Variants in CEP128 observed in about 807,000 individuals in gnomAD.
The protein encoded by CEP128 is centrosomal protein 128, also known as centrosomal protein 128kDa.
In CEP128, 132 loss-of-function variants were observed where a neutral mutation model predicts 156.7. That is an observed-to-expected ratio of 0.84 (90% CI 0.73 to 0.97). The LOEUF (loss-of-function observed/expected upper bound fraction) is 0.97. Among genes scored for constraint, CEP128 ranks in the 50% least tolerant of loss-of-function variants. The pLI is 0.00. For synonymous variants in CEP128, 469 were observed against 448.9 expected, an observed-to-expected ratio of 1.04 and a Z score of -0.57; for missense variants, 1,252 against 1,281.9, an observed-to-expected ratio of 0.98 and a Z score of 0.36.
chr14:80,607,811 A>G (rs746082201), intron 19 of CEP128, among the ~76,000 whole-genome samples: 3 of 152,194 alleles, frequency 2.0e-5, no homozygotes, highest in Non-Finnish European at 4.4e-5. Context: ...ATTACTTTTT[A>G]TAGATTATAC....
At chr14:80,584,833 C>T (rs1304865574) in intron 19 of CEP128, among the ~76,000 whole-genome samples, 1 of 152,156 alleles carries the variant, frequency 6.6e-6, no homozygotes. Context: ...CTCTTCTTAT[C>T]AGCATTGAAA....
At chr14:80,738,316 G>A (rs1003851200) in intron 19 of CEP128, among the ~76,000 whole-genome samples, 2 of 152,032 alleles carry the variant, frequency 1.3e-5, no homozygotes, top group Non-Finnish European at 2.9e-5. Context: ...AACAGCAATT[G>A]ACCACCAACT....
intron 23 of CEP128, among the ~76,000 whole-genome samples, chr14:80,510,940 T>C (rs1888216839): frequency 6.6e-6 from 1 of 151,986 alleles, no homozygotes; most frequent in South Asian, 2.1e-4. Context: ...TAAACCATGT[T>C]TGCATCCCTG....
chr14:80,823,081 C>T (rs2140006437), intron 13 of CEP128, among the ~76,000 whole-genome samples: 1 of 152,270 alleles, frequency 6.6e-6, no homozygotes, highest in African/African-American at 2.4e-5. Flanking sequence ...CACATGGCCA[C>T]CTTGGCACAA....
chr14:80,863,503 C>G (rs370056834), intron 8 of CEP128, among the ~76,000 whole-genome samples: 1 of 152,078 alleles, frequency 6.6e-6, no homozygotes, highest in East Asian at 1.9e-4. Flanking sequence ...GGACTCTAAA[C>G]GTGAAAGAAT....
intron 8 of CEP128, among the ~76,000 whole-genome samples, chr14:80,880,351 T>C (rs1046316084): frequency 3.3e-5 from 5 of 152,126 alleles, no homozygotes; most frequent in Non-Finnish European, 7.3e-5. Flanking sequence ...AAGCCATTTA[T>C]GAAAAGCCCA....
intron 19 of CEP128, among the ~76,000 whole-genome samples, chr14:80,663,524 C>T (rs1461861577): frequency 6.6e-6 from 1 of 152,132 alleles, no homozygotes; most frequent in Non-Finnish European, 1.5e-5. Context: ...TATTTTCCAG[C>T]CACCTTCCGA....
chr14:80,953,661 A>G (rs902986189), intron 2 of CEP128, among the ~76,000 whole-genome samples: 1 of 152,240 alleles, frequency 6.6e-6, no homozygotes, highest in Admixed American at 6.5e-5. Flanking sequence ...TGGGTTTAAC[A>G]TTCGAAAATC....
chr14:80,775,872 G>A (rs1194612012), intron 16 of CEP128, among the ~76,000 whole-genome samples: 10 of 152,104 alleles, frequency 6.6e-5, no homozygotes, highest in East Asian at 3.9e-4. Context: ...TCGCGCTGTC[G>A]CCCAGGCTGG....
At position 80,951,324 on chromosome 14, in the gene CEP128, T is replaced by C. The variant is rs190628041; in HGVS notation, c.-172+6854A>G. 2.4e-3 allele frequency among the ~76,000 whole-genome samples: 372 copies of C among 152,266 alleles called. 5 individuals are homozygous for C. Among genetic ancestry groups the C allele is most frequent in the African/African-American group, 8.4e-3 (350 of 41,570 alleles). ...TTATAACCTATGTATGAGTAAAATG[T>C]ATGGCGATGGAAGCATAAAGGTTAG... is the stretch of plus-strand genomic sequence containing the variant. On this transcript the variant is annotated intron_variant, in intron 2 of 7. Transcript: ENST00000555529.
intron 19 of CEP128, among the ~76,000 whole-genome samples, chr14:80,656,275 TTATTTATATATATATTTA>T (rs1438793931): frequency 0.024 from 1,056 of 44,436 alleles, 160 homozygotes; most frequent in Non-Finnish European, 0.03. Context: ...ACCTAAGTTT[TTATTTATATATATATTTA>T]TATATATATA....
At chr14:80,597,787 A>G (rs986202776) in intron 19 of CEP128, among the ~76,000 whole-genome samples, 18 of 151,936 alleles carry the variant, frequency 1.2e-4, no homozygotes, top group Non-Finnish European at 2.2e-4. Flanking sequence ...AAGTTGGTTC[A>G]GTATTTGAAA....
At chr14:80,773,412 T>C (rs1157156059) in intron 16 of CEP128, among the ~76,000 whole-genome samples, 2 of 152,076 alleles carry the variant, frequency 1.3e-5, no homozygotes, top group South Asian at 2.1e-4. Context: ...AGAAAACATA[T>C]GCAGTATATA....
rs1206877317 is a variant in CEP128, at chr14:80,588,054, T to C, written c.2807-7631A>G. Among the ~76,000 whole-genome samples the C allele has an allele frequency of 2.6e-5, 4 of 152,106 alleles. No individual in the cohort carries two copies. In the East Asian group the frequency reaches 7.7e-4, roughly 29 times the overall value. Reference sequence around the variant, plus strand: ...CTCTTCTTTACAGAAGCTACAAAAGTTTGTGCTGGTTTCTTGAGGTACCTA... The same window carrying C: ...CTCTTCTTTACAGAAGCTACAAAAGCTTGTGCTGGTTTCTTGAGGTACCTA... On this transcript the variant is annotated intron_variant, in intron 19 of 24. Transcript: ENST00000555265.
At chr14:80,545,946 T>C (rs1220712696) in intron 21 of CEP128, among the ~76,000 whole-genome samples, 1 of 152,200 alleles carries the variant, frequency 6.6e-6, no homozygotes, top group Non-Finnish European at 1.5e-5. Context: ...GGTGAGGGTG[T>C]GTTGAACTAA....
At chr14:80,899,896 T>C in intron 7 of CEP128, 42 bp downstream of exon 7, 1 of 1,322,556 alleles carries the variant, frequency 7.6e-7, no homozygotes, top group Non-Finnish European at 1.1e-6. Context: ...TTTATTCTCC[T>C]CATAATTTAT....
intron 22 of CEP128, among the ~76,000 whole-genome samples, chr14:80,530,229 G>A (rs1304285215): frequency 6.6e-6 from 1 of 152,210 alleles, no homozygotes; most frequent in Non-Finnish European, 1.5e-5. Context: ...ACTGGCAGCA[G>A]AGATATTTGT....
intron 19 of CEP128, among the ~76,000 whole-genome samples, chr14:80,612,068 A>AT (rs1345540495): frequency 2.6e-5 from 4 of 152,186 alleles, no homozygotes; most frequent in African/African-American, 9.7e-5. Flanking sequence ...AAAAAAATAA[A>AT]AAATAAATAA....
intron 4 of CEP128, among the ~76,000 whole-genome samples, chr14:80,911,108 A>T (rs1884184607): frequency 6.6e-6 from 1 of 152,260 alleles, no homozygotes; most frequent in South Asian, 2.1e-4. Flanking sequence ...ATGCATATAA[A>T]ACGCAAAAGG....
Sources: gnomAD v4.1 joint callset for allele counts (sites outside exome capture counted in the v4.1 genomes callset) on GRCh38, gnomAD v4.1.1 for gene constraint, MANE v1.5 for transcripts, NCBI Gene and HGNC (gene_info 2026-07-23, HGNC 2026-07-21) for gene names.